Variants in ICA1L observed in about 807,000 individuals in gnomAD.
ICA1L encodes islet cell autoantigen 1 like, also known as islet cell autoantigen 1-like protein.
ICA1L carries 50 observed loss-of-function variants against 61.3 expected under a neutral mutation model. The observed-to-expected ratio is 0.82, with a 90% CI of 0.65 to 1.03. The LOEUF is 1.03. Ranked by LOEUF, ICA1L falls within the 50% of genes least tolerant of loss-of-function variation. The pLI, the probability that ICA1L is intolerant of heterozygous loss-of-function variation, is 0.00. For synonymous variants in ICA1L, 161 were observed against 191.3 expected, an observed-to-expected ratio of 0.84 and a Z score of 1.31; for missense variants, 508 against 556.7, an observed-to-expected ratio of 0.91 and a Z score of 0.88.
At chr2:202,788,047 A>T (rs545713068) in intron 11 of ICA1L, among the ~76,000 whole-genome samples, 3 of 152,228 alleles carry the variant, frequency 2.0e-5, no homozygotes, top group Non-Finnish European at 4.4e-5. Flanking sequence ...AGAAAACCGC[A>T]AGTATTCTTC....
At chr2:202,832,795 T>C (rs1388295532) in intron 1 of ICA1L, among the ~76,000 whole-genome samples, 1 of 151,768 alleles carries the variant, frequency 6.6e-6, no homozygotes, top group African/African-American at 2.4e-5. Flanking sequence ...AAAAAAATAA[T>C]AATAACTGGA....
At chr2:202,801,763 A>G (rs1693091308) in intron 9 of ICA1L, among the ~76,000 whole-genome samples, 1 of 152,250 alleles carries the variant, frequency 6.6e-6, no homozygotes, top group Non-Finnish European at 1.5e-5. Context: ...ACACGGCCAG[A>G]CAAGGCCCTT....
Position 202,773,936 on chromosome 2 carries a change from T to C in ICA1L, c.*5597A>G. ...TCAACGTAGAAAGAGACAGAAAGAT[T>C]CTTCTCTTCCGCTTATTACTTGCCA... On this transcript the variant is annotated 3_prime_UTR_variant, in exon 13 of 13. Transcript: ENST00000358299. 1 of 1,158,456 alleles carries C rather than the reference T, an allele frequency of 8.6e-7. No individual in the cohort carries two copies. The highest frequency in any genetic ancestry group is 1.3e-6 in the Non-Finnish European group (1 of 785,116). The allele number at this position is 1,158,456 out of a possible 1,614,324, so 71.8% of individuals were successfully genotyped here. A position where few individuals can be genotyped will look rare whatever the true frequency, so the allele number is the denominator to read the frequency against.
intron 9 of ICA1L, among the ~76,000 whole-genome samples, chr2:202,806,972 A>G (rs1401274307): frequency 6.6e-6 from 1 of 152,244 alleles, no homozygotes; most frequent in East Asian, 1.9e-4. Flanking sequence ...GGGAAAACTC[A>G]AAACTTAATC....
Position 202,803,685 on chromosome 2 carries a change from G to A in ICA1L, c.911-6721C>T, listed in dbSNP as rs187449823. Among the ~76,000 whole-genome samples the A allele has an allele frequency of 1.5e-4, 23 of 151,862 alleles. No homozygotes were observed. In the East Asian group the frequency reaches 2.9e-3, roughly 19 times the overall value. ...GGAGTAGCTGGGACTACAGGTGCAC[G>A]CCACCACACCTGCCTAATTTTTTGT... On this transcript the variant is annotated intron_variant, in intron 9 of 12. Transcript: ENST00000358299.
intron 8 of ICA1L, among the ~76,000 whole-genome samples, chr2:202,813,666 A>G (rs909767804): frequency 1.3e-5 from 2 of 152,194 alleles, no homozygotes; most frequent in African/African-American, 2.4e-5. Context: ...TCTACTCAAC[A>G]GTATATGGTT....
At chr2:202,835,215 CTT>C (rs544503963) in intron 1 of ICA1L, among the ~76,000 whole-genome samples, 11 of 120,636 alleles carry the variant, frequency 9.1e-5, no homozygotes, top group African/African-American at 3.5e-4. Flanking sequence ...TGATTTCTTC[CTT>C]TTTTTTTTTT....
At chr2:202,837,280 TTG>T (rs908415869) in intron 1 of ICA1L, among the ~76,000 whole-genome samples, 6 of 151,926 alleles carry the variant, frequency 3.9e-5, no homozygotes, top group African/African-American at 1.5e-4. Context: ...TTTTCCGTTG[TTG>T]TTTTTTTTTG....
At chr2:202,838,075 A>G (rs1338989387) in intron 1 of ICA1L, among the ~76,000 whole-genome samples, 1 of 151,934 alleles carries the variant, frequency 6.6e-6, no homozygotes, top group African/African-American at 2.4e-5. Flanking sequence ...GCTGATCTCG[A>G]TCTCCTGACC....
At position 202,821,384 on chromosome 2, in the gene ICA1L, C is replaced by T; in HGVS notation, c.333G>A (p.Lys111=). Reference sequence around the variant, plus strand: ...TTTGCTTGGCTGAAGAACAAAGTGCCTTGCCAGTGGCATCCATCATTTTGC... The same window carrying T: ...TTTGCTTGGCTGAAGAACAAAGTGCTTTGCCAGTGGCATCCATCATTTTGC... ...QAGKMMDATG[K]ALCSSAKQRL... is the part of the protein sequence containing the mutation. Residue 111 remains lysine (K), a synonymous_variant, in exon 4 of 13, where the codon AAG becomes AAA. Coordinates refer to ENST00000358299, the MANE Select transcript of ICA1L (RefSeq NM_001288622.3). 1.2e-6 allele frequency: 2 copies of T among 1,613,494 alleles called. No homozygotes were observed. The highest frequency in any genetic ancestry group is 1.7e-6 in the Non-Finnish European group (2 of 1,179,780).
chr2:202,847,695 T>TTC (rs1205116973), intron 1 of ICA1L, among the ~76,000 whole-genome samples: 1 of 102,230 alleles, frequency 9.8e-6, no homozygotes, highest in Non-Finnish European at 2.0e-5. Flanking sequence ...TATATGGGAA[T>TTC]TATATATATA....
At position 202,849,010 on chromosome 2, in the gene ICA1L, T is replaced by C. The variant is rs777380331; in HGVS notation, c.-7-19994A>G. 6.6e-6 allele frequency among the ~76,000 whole-genome samples: 1 copy of C among 151,800 alleles called. No individual in the cohort carries two copies. The highest frequency in any genetic ancestry group is 1.5e-5 in the Non-Finnish European group (1 of 67,930). On this transcript the variant is annotated intron_variant, in intron 1 of 12. Coordinates refer to ENST00000358299, the MANE Select transcript of ICA1L (RefSeq NM_001288622.3). This position sits in a 1 kb window ranked among gnomAD's most constrained non-coding sequence, Gnocchi z 4.5. Reference sequence around the variant, plus strand: ...GGGCAAGCAGAAGCAGGGTGGGGCGTTGCCTCATCCAGGAAGTGCAAGGAG... The same window carrying C: ...GGGCAAGCAGAAGCAGGGTGGGGCGCTGCCTCATCCAGGAAGTGCAAGGAG...
chr2:202,779,705 G>T, intron 12 of ICA1L, 57 bp from the exon 13 acceptor site: 1 of 1,020,242 alleles, frequency 9.8e-7, no homozygotes. Context: ...TCATGTTTTT[G>T]TACCATATTT....
In ICA1L at chr2:202,779,617, G is replaced by C. The variant is rs200417942; in HGVS notation, c.1365C>G (p.Ala455=). The C allele has an allele frequency of 1.2e-4, 201 of 1,612,300 alleles. 5 individuals carry two copies. In the South Asian group the frequency reaches 2.1e-3, roughly 17 times the overall value. The change falls in exon 13 of 13, where the codon GCC becomes GCG. Residue 455 remains alanine, a synonymous_variant. Coordinates refer to ENST00000358299, the MANE Select transcript of ICA1L (RefSeq NM_001288622.3). ...SPNNGNQDMS[A]WFNLFADLDP... is the part of the protein sequence containing the mutation. ...CCAAGTCTGCAAACAGATTGAACCA[G>C]GCTGACATGTCTTGGTTGCCATTGT...
intron 1 of ICA1L, among the ~76,000 whole-genome samples, chr2:202,848,097 G>C (rs1694517372): frequency 6.6e-6 from 1 of 152,072 alleles, no homozygotes. Flanking sequence ...GAGAAGGGAG[G>C]AGGTGTTGAG....
chr2:202,852,697 G>T (rs1470091831), intron 1 of ICA1L, among the ~76,000 whole-genome samples: 90 of 134,090 alleles, frequency 6.7e-4, no homozygotes, highest in African/African-American at 2.4e-3. Flanking sequence ...AAAAAAAAAA[G>T]TGTACCTATT....
intron 1 of ICA1L, among the ~76,000 whole-genome samples, chr2:202,848,270 A>G (rs2105878385): frequency 6.6e-6 from 1 of 152,284 alleles, no homozygotes; most frequent in East Asian, 1.9e-4. Flanking sequence ...GCCAAACAGC[A>G]TATTTTTAAA....
intron 1 of ICA1L, among the ~76,000 whole-genome samples, chr2:202,854,843 T>C (rs185960309): frequency 6.6e-6 from 1 of 152,112 alleles, no homozygotes; most frequent in African/African-American, 2.4e-5. Flanking sequence ...CTGGCCAATA[T>C]GGTGAAACCC....
intron 9 of ICA1L, among the ~76,000 whole-genome samples, chr2:202,806,301 C>T (rs991643329): frequency 6.6e-6 from 1 of 152,184 alleles, no homozygotes; most frequent in Non-Finnish European, 1.5e-5. Flanking sequence ...CCAAGGCCCT[C>T]ATTCCAAGCC....
Sources: allele counts gnomAD v4.1 joint callset (sites outside exome capture counted in the v4.1 genomes callset), GRCh38; gene constraint gnomAD v4.1.1; non-coding constraint Gnocchi (gnomAD v3.1); transcripts MANE v1.5; gene names NCBI Gene and HGNC (gene_info 2026-07-23, HGNC 2026-07-21).